The following FRMPD1 variants were observed in gnomAD, a reference collection of about 807,000 sequenced individuals.
FRMPD1 encodes FERM and PDZ domain-containing protein 1.
In FRMPD1, 76 loss-of-function variants were observed where a neutral mutation model predicts 117.8. The ratio of observed to expected loss-of-function variants is 0.65; its 90% confidence interval spans 0.54 to 0.78. FRMPD1 has a LOEUF of 0.78. Among genes scored for constraint, FRMPD1 ranks in the 30% least tolerant of loss-of-function variants. FRMPD1 has a pLI of 0.00. For missense variants in FRMPD1, 1,786 were observed against 1,964.5 expected (o/e 0.91, Z 1.72); for synonymous variants, 783 against 770.4 (o/e 1.02, Z -0.27).
the FRMPD1 span, among the ~76,000 whole-genome samples, chr9:37,612,347 T>C: frequency 4.7e-5 from 5 of 107,268 alleles, no homozygotes; most frequent in Non-Finnish European, 9.8e-5. Flanking sequence ...GTTTTTGCTT[T>C]TGTTTTTGTT....
At chr9:37,656,933 A>AG (rs1013781203) in intron 1 of FRMPD1, among the ~76,000 whole-genome samples, 5 of 96,630 alleles carry the variant, frequency 5.2e-5, no homozygotes, top group Non-Finnish European at 1.9e-5. Context: ...TTGGTGAAAA[A>AG]GAAAAAAAAA....
intron 6 of FRMPD1, among the ~76,000 whole-genome samples, chr9:37,719,476 G>C (rs10738986): frequency 6.6e-6 from 1 of 151,950 alleles, no homozygotes; most frequent in Non-Finnish European, 1.5e-5. Flanking sequence ...TTAATTTCTC[G>C]TTATGCATCT....
chr9:37,722,761 CTTTTTTTT>C (rs67488630), intron 6 of FRMPD1, among the ~76,000 whole-genome samples: 32,827 of 150,228 alleles, frequency 0.22, 3,849 homozygotes, highest in East Asian at 0.31. Context: ...AGAATCACTT[CTTTTTTTT>C]TTCTTTTTTT....
intron 14 of FRMPD1, among the ~76,000 whole-genome samples, chr9:37,738,937 A>C (rs552746613): frequency 6.6e-6 from 1 of 152,296 alleles, no homozygotes; most frequent in East Asian, 1.9e-4. Flanking sequence ...GGGTGGCTGG[A>C]ACGTGGCAGG....
intron 2 of FRMPD1, among the ~76,000 whole-genome samples, chr9:37,702,025 T>C (rs1179325548): frequency 6.6e-6 from 1 of 152,234 alleles, no homozygotes; most frequent in African/African-American, 2.4e-5. Context: ...ATTATCCTTA[T>C]GATACCATTT....
chr9:37,611,534 T>C, the FRMPD1 span, among the ~76,000 whole-genome samples: 1 of 152,222 alleles, frequency 6.6e-6, no homozygotes, highest in African/African-American at 2.4e-5. Flanking sequence ...TACAATACAA[T>C]GAAATTGATG....
chr9:37,730,573 A>G (rs1400719883), intron 8 of FRMPD1, among the ~76,000 whole-genome samples: 1 of 152,254 alleles, frequency 6.6e-6, no homozygotes, highest in Non-Finnish European at 1.5e-5. Flanking sequence ...AAAGAAAATC[A>G]CATTAAATCC....
chr9:37,685,485 T>C (rs554027492), intron 1 of FRMPD1, among the ~76,000 whole-genome samples: 9 of 146,428 alleles, frequency 6.1e-5, no homozygotes, highest in Admixed American at 4.0e-4. Flanking sequence ...CTACTAAAAA[T>C]ACAAAAAAAA....
rs1306700945 is a variant in FRMPD1 at position 37,740,350 on chromosome 9, T to C, written c.1822T>C (p.Ser608Pro). ...CTACAGGACCAGTGGCTCGAGTGAG[T>C]CCATGGACGCTCTGGAAGAGGATGA... ...RGYRTSGSSESMDALEEDDLD... is the reference protein window; with the variant it reads ...RGYRTSGSSEPMDALEEDDLD... Residue 608 changes from serine to proline, a missense_variant, in exon 15 of 16, where the codon TCC (serine) becomes CCC (proline). Transcript: ENST00000377765. This position sits in a 1 kb window ranked among gnomAD's most constrained non-coding sequence, Gnocchi z 4.2. The C allele has an allele frequency of 6.2e-7, 1 of 1,613,578 alleles. No homozygotes were observed. The highest frequency in any genetic ancestry group is 1.1e-5 in the South Asian group (1 of 91,060).
chr9:37,727,453 G>A (rs1823661781), intron 7 of FRMPD1, among the ~76,000 whole-genome samples: 1 of 152,134 alleles, frequency 6.6e-6, no homozygotes, highest in Non-Finnish European at 1.5e-5. Context: ...GCTACAGTTT[G>A]CCAACCTTTG....
In FRMPD1 at chr9:37,745,965, G is replaced by C. The variant is rs748281395; in HGVS notation, c.3933G>C (p.Arg1311Ser). ...ATCCTGAAGTCTCTGCCAGTCTCAG[G>C]GTGGCCACATCTTTGGGTTTTGCAG... ...ESHPEVSASLRVATSLGFAGM... is the reference protein window; with the variant it reads ...ESHPEVSASLSVATSLGFAGM... Residue 1311 changes from arginine (R) to serine (S), a missense_variant, in exon 16 of 16, where the codon AGG becomes AGC. Coordinates refer to ENST00000377765, the MANE Select transcript of FRMPD1 (RefSeq NM_014907.3). The C allele has an allele frequency of 1.3e-5, 21 of 1,614,216 alleles. No individual in the cohort carries two copies. The highest frequency in any genetic ancestry group is 1.8e-5 in the Non-Finnish European group (21 of 1,180,034).
chr9:37,717,708 A>G (rs1027933275), intron 5 of FRMPD1, among the ~76,000 whole-genome samples: 1 of 152,110 alleles, frequency 6.6e-6, no homozygotes, highest in Non-Finnish European at 1.5e-5. Flanking sequence ...ACGACAAACT[A>G]ATCAATATGT....
At chr9:37,615,849 G>C in the FRMPD1 span, among the ~76,000 whole-genome samples, 1 of 150,142 alleles carries the variant, frequency 6.7e-6, no homozygotes, top group African/African-American at 2.5e-5. Flanking sequence ...GTCTCCCTCT[G>C]TCACCCAGGC....
chr9:37,609,464 G>A, the FRMPD1 span, among the ~76,000 whole-genome samples: 1 of 151,932 alleles, frequency 6.6e-6, no homozygotes, highest in Non-Finnish European at 1.5e-5. Context: ...AGTCATCTTT[G>A]ACTCATCTCT....
chr9:37,698,687 G>C (rs111908131), intron 2 of FRMPD1, among the ~76,000 whole-genome samples: 12 of 149,666 alleles, frequency 8.0e-5, no homozygotes, highest in African/African-American at 3.0e-4. Context: ...TCAGTCGCCC[G>C]CGTAGCTGGG....
the FRMPD1 span, among the ~76,000 whole-genome samples, chr9:37,626,570 TG>T: frequency 1.5e-5 from 2 of 133,246 alleles, no homozygotes; most frequent in Non-Finnish European, 3.1e-5. Flanking sequence ...GCAGATCGCT[TG>T]AGCTCAGGAG....
At chr9:37,631,659 A>G in the FRMPD1 span, among the ~76,000 whole-genome samples, 3 of 152,212 alleles carry the variant, frequency 2.0e-5, no homozygotes, top group African/African-American at 7.2e-5. Flanking sequence ...ACTACAGTGC[A>G]GTGGCATGAT....
chr9:37,647,671 G>T (rs1298818331), upstream of FRMPD1, among the ~76,000 whole-genome samples: 1 of 152,156 alleles, frequency 6.6e-6, no homozygotes, highest in Non-Finnish European at 1.5e-5. Flanking sequence ...TTCTCAAGAA[G>T]GTCTCAAGAA....
rs184041465 is a variant in FRMPD1, at chr9:37,740,859, G to A, written c.2331G>A (p.Lys777=). Residue 777 remains lysine, a synonymous_variant, in exon 15 of 16, where the codon AAG becomes AAA. Transcript: ENST00000377765. The surrounding 1 kb of genome is among the most constrained non-coding windows in gnomAD (Gnocchi z 4.2). ...SDEEYYDAAD[K]LTPPGPPSGP... ...AGGAATACTATGACGCGGCTGATAA[G>A]CTCACTCCCCCAGGCCCCCCGTCAG... 1.5e-5 allele frequency: 25 copies of A among 1,614,118 alleles called. No homozygotes were observed. The highest frequency in any genetic ancestry group is 1.8e-5 in the Non-Finnish European group (21 of 1,179,976).
Sources: gnomAD v4.1 joint callset for allele counts (sites outside exome capture counted in the v4.1 genomes callset) on GRCh38, gnomAD v4.1.1 for gene constraint, Gnocchi (gnomAD v3.1) non-coding constraint, MANE v1.5 for transcripts, NCBI Gene and HGNC (gene_info 2026-07-23, HGNC 2026-07-21) for gene names.